TGFBR2: variants seen among roughly 807,000 people sequenced by gnomAD.
TGFBR2 encodes transforming growth factor beta receptor 2, also known as TGF-beta receptor type-2.
TGFBR2 carries 18 observed loss-of-function variants against 49.0 expected under a neutral mutation model. That is an observed-to-expected ratio of 0.37 (90% CI 0.25 to 0.54). The LOEUF is 0.54. TGFBR2 is among the 20% of genes least tolerant of loss of function. The probability of loss-of-function intolerance (pLI) is 0.85; values close to 1 mark genes in which losing one functional copy is unlikely to be tolerated. For synonymous variants in TGFBR2, 282 were observed against 275.9 expected, an observed-to-expected ratio of 1.02 and a Z score of -0.22; for missense variants, 525 against 722.6, an observed-to-expected ratio of 0.73 and a Z score of 3.13.
Position 30,688,487 on chromosome 3 carries a change from T to A in TGFBR2, c.1500T>A (p.Ile500=). 1 of 1,614,208 alleles carries A rather than the reference T, an allele frequency of 6.2e-7. No individual in the cohort carries two copies. The highest frequency in any genetic ancestry group is 1.1e-5 in the South Asian group (1 of 91,084). Residue 500 remains isoleucine, a synonymous_variant, in exon 6 of 7, where the codon ATT becomes ATA. Transcript: ENST00000295754. ...TGAGAGATCGAGGGCGACCAGAAATTCCCAGCTTCTGGCTCAACCACCAGG... is the reference window on the plus strand; with the variant it reads ...TGAGAGATCGAGGGCGACCAGAAATACCCAGCTTCTGGCTCAACCACCAGG... ...NVLRDRGRPE[I]PSFWLNHQGI...
At chr3:30,661,813 A>G (rs900838113) in intron 3 of TGFBR2, among the ~76,000 whole-genome samples, 3 of 152,232 alleles carry the variant, frequency 2.0e-5, no homozygotes, top group Non-Finnish European at 4.4e-5. Flanking sequence ...TGTCTATCAA[A>G]ACACATGATG....
intron 1 of TGFBR2, among the ~76,000 whole-genome samples, chr3:30,632,293 T>C (rs1469155100): frequency 6.6e-6 from 1 of 152,182 alleles, no homozygotes; most frequent in Non-Finnish European, 1.5e-5. Context: ...CCAAAGTAGA[T>C]CAGCTCTCGC....
chr3:30,627,308 C>G (rs1164524154), intron 1 of TGFBR2, among the ~76,000 whole-genome samples: 2 of 152,140 alleles, frequency 1.3e-5, no homozygotes, highest in Non-Finnish European at 2.9e-5. Flanking sequence ...GTCCCCACTT[C>G]AGGTTTCAGA....
intron 3 of TGFBR2, among the ~76,000 whole-genome samples, chr3:30,660,746 T>C (rs1489393898): frequency 6.6e-6 from 1 of 152,214 alleles, no homozygotes; most frequent in South Asian, 2.1e-4. Context: ...AACGGCCTCA[T>C]TGGGAATAGG....
At chr3:30,681,893 G>A (rs1699548211) in intron 5 of TGFBR2, among the ~76,000 whole-genome samples, 1 of 152,196 alleles carries the variant, frequency 6.6e-6, no homozygotes, top group African/African-American at 2.4e-5. Context: ...AGAGAATGAG[G>A]AAATGAGTCA....
In TGFBR2 at chr3:30,648,946, G is replaced by A. The variant is rs375963402; in HGVS notation, c.264-1324G>A. 1.4e-4 allele frequency among the ~76,000 whole-genome samples: 22 copies of A among 152,224 alleles called. No homozygotes were observed. The East Asian group carries it at 1.7e-3, about 12-fold the overall frequency. The stretch of plus-strand genomic sequence containing the variant: ...CTCTTTCTCTCATGGGGATGGCCCC[G>A]CATCTTTTATAGGTGCAAGCTGTGT... On this transcript the variant is annotated intron_variant, in intron 2 of 6. Coordinates refer to ENST00000295754, the MANE Select transcript of TGFBR2 (RefSeq NM_003242.6).
chr3:30,673,256 A>T (rs1699374775), intron 4 of TGFBR2, among the ~76,000 whole-genome samples: 1 of 152,180 alleles, frequency 6.6e-6, no homozygotes, highest in Non-Finnish European at 1.5e-5. Context: ...CCTCTTGAGA[A>T]GAAAAAAACT....
At chr3:30,653,409 G>T (rs1203048744) in intron 3 of TGFBR2, among the ~76,000 whole-genome samples, 2 of 151,792 alleles carry the variant, frequency 1.3e-5, no homozygotes. Flanking sequence ...CTGCCACCAT[G>T]CCCGGCTAAT....
At chr3:30,661,555 G>T in intron 3 of TGFBR2, 1 of 512,846 alleles carries the variant, frequency 1.9e-6, no homozygotes, top group South Asian at 1.4e-5. Context: ...CAGACATATA[G>T]GTTCAAACAA....
intron 1 of TGFBR2, among the ~76,000 whole-genome samples, chr3:30,626,154 A>G (rs925604677): frequency 6.6e-6 from 1 of 152,224 alleles, no homozygotes; most frequent in African/African-American, 2.4e-5. Flanking sequence ...AGCCTAACCC[A>G]GTGAGGTTAC....
intron 1 of TGFBR2, 118 bp from the exon 2 acceptor site, chr3:30,644,629 C>G: frequency 1.0e-6 from 1 of 984,134 alleles, no homozygotes; most frequent in Non-Finnish European, 1.6e-6. Flanking sequence ...TTTTGCCTTT[C>G]TTCAGATTCA....
chr3:30,654,664 GT>G (rs1698962396), intron 3 of TGFBR2, among the ~76,000 whole-genome samples: 1 of 152,198 alleles, frequency 6.6e-6, no homozygotes, highest in Admixed American at 6.5e-5. Flanking sequence ...GGATGGCCTG[GT>G]GACAGCTGTC....
At chr3:30,650,504 C>A (rs774674930) in intron 3 of TGFBR2, 44 bp downstream of exon 3, 1 of 1,602,844 alleles carries the variant, frequency 6.2e-7, no homozygotes. Flanking sequence ...AGATCTGTGC[C>A]AATTTTTTGT....
chr3:30,668,238 G>C (rs909869744), intron 3 of TGFBR2, among the ~76,000 whole-genome samples: 2 of 152,102 alleles, frequency 1.3e-5, no homozygotes, highest in Non-Finnish European at 2.9e-5. Context: ...TCTGCCCCAG[G>C]TGCTGTGTAT....
intron 1 of TGFBR2, among the ~76,000 whole-genome samples, chr3:30,631,621 CTTTTTTTTTT>C (rs71093918): frequency 0.043 from 4,944 of 115,460 alleles, 312 homozygotes; most frequent in African/African-American, 0.14. Flanking sequence ...CAACTTCTTT[CTTTTTTTTTT>C]TTTTTTTTTT....
At chr3:30,671,477 C>T (rs980931464) in intron 3 of TGFBR2, among the ~76,000 whole-genome samples, 161 bp from the exon 4 acceptor site, 1 of 152,128 alleles carries the variant, frequency 6.6e-6, no homozygotes, top group African/African-American at 2.4e-5. Context: ...GAAGGCTGAA[C>T]GAGCATGCAC....
chr3:30,671,557 T>C, intron 3 of TGFBR2, 81 bp from the exon 4 acceptor site: 2 of 1,376,728 alleles, frequency 1.5e-6, no homozygotes, highest in East Asian at 2.3e-5. Context: ...AATCTATAGA[T>C]GCTCAGGCAT....
chr3:30,648,285 A>G (rs770899239), intron 2 of TGFBR2, among the ~76,000 whole-genome samples: 2 of 152,120 alleles, frequency 1.3e-5, no homozygotes, highest in Middle Eastern at 3.2e-3. Flanking sequence ...AGAGCTGCCC[A>G]ATAATTATAG....
chr3:30,656,847 AGGCAAGGTGGT>A (rs1699010612), intron 3 of TGFBR2, among the ~76,000 whole-genome samples: 1 of 152,212 alleles, frequency 6.6e-6, no homozygotes, highest in African/African-American at 2.4e-5. Context: ...ATTGAAATGT[AGGCAAGGTGGT>A]GGCAAGCCCA....
Sources: gnomAD v4.1 joint callset for allele counts (sites outside exome capture counted in the v4.1 genomes callset) on GRCh38, gnomAD v4.1.1 for gene constraint, MANE v1.5 for transcripts, NCBI Gene and HGNC (gene_info 2026-07-23, HGNC 2026-07-21) for gene names.